Variants in KIF16B observed in about 807,000 individuals in gnomAD.
KIF16B encodes the protein kinesin-like protein KIF16B.
A neutral mutation model predicts 156.3 loss-of-function variants in KIF16B; 98 were observed. The ratio of observed to expected loss-of-function variants is 0.63; its 90% CI spans 0.53 to 0.74. The LOEUF (loss-of-function observed/expected upper bound fraction) is 0.74, where lower values mean the gene tolerates loss of function less well. KIF16B is among the 30% of genes least tolerant of loss of function. KIF16B has a pLI of 0.00. For synonymous variants in KIF16B, 564 were observed against 583.7 expected (o/e 0.97, Z 0.49); for missense variants, 1,421 against 1,606.5 (o/e 0.88, Z 1.97).
At chr20:16,392,694 G>C (rs2146177200) in intron 17 of KIF16B, among the ~76,000 whole-genome samples, 1 of 152,320 alleles carries the variant, frequency 6.6e-6, no homozygotes, top group South Asian at 2.1e-4. Flanking sequence ...CAGAGCACCA[G>C]CCTGTCTGCC....
At chr20:16,528,592 T>A (rs1600633802) in intron 1 of KIF16B, 152 bp from the exon 2 acceptor site, 7 of 621,730 alleles carry the variant, frequency 1.1e-5, no homozygotes, top group East Asian at 5.5e-5. Flanking sequence ...TCCTCCCAAA[T>A]CCTTACTAAT....
At chr20:16,273,942 C>A (rs964023802) in intron 25 of KIF16B, among the ~76,000 whole-genome samples, 39 of 152,226 alleles carry the variant, frequency 2.6e-4, no homozygotes, top group African/African-American at 9.1e-4. Flanking sequence ...CTACAGCAGA[C>A]AATGCCTAGG....
At position 16,366,644 on chromosome 20, in the gene KIF16B, C is replaced by T. The variant is rs73901614; in HGVS notation, c.3498+3942G>A. ...ATGGTGATGGGAGGACACTTTCAAT[C>T]CCCGGGTCCTCATAGGAAGCTTGAT... On this transcript the variant is annotated intron_variant, in intron 22 of 25. Coordinates refer to ENST00000354981, the MANE Select transcript of KIF16B (RefSeq NM_024704.5). Among the ~76,000 whole-genome samples, 527 of 152,308 alleles carry T rather than the reference C, an allele frequency of 3.5e-3. 3 individuals carry two copies. Among genetic ancestry groups the T allele is most frequent in the Middle Eastern group, 0.024 (7 of 294 alleles).
chr20:16,350,031 C>T (rs2064305891), intron 23 of KIF16B, among the ~76,000 whole-genome samples: 1 of 152,236 alleles, frequency 6.6e-6, no homozygotes, highest in African/African-American at 2.4e-5. Flanking sequence ...ATTCATTACT[C>T]ATGTTTTCTC....
chr20:16,431,939 C>T (rs1418647368), intron 12 of KIF16B, among the ~76,000 whole-genome samples: 1 of 151,014 alleles, frequency 6.6e-6, no homozygotes, highest in Non-Finnish European at 1.5e-5. Flanking sequence ...CACACACACA[C>T]GCACAAGTTT....
intron 1 of KIF16B, among the ~76,000 whole-genome samples, chr20:16,530,212 C>A (rs866243085): frequency 6.6e-6 from 1 of 152,156 alleles, no homozygotes; most frequent in Non-Finnish European, 1.5e-5. Context: ...AGGGCTGTGG[C>A]GGGCACCTTC....
At chr20:16,439,149 TCAGACTTCA>T (rs2066725692) in intron 12 of KIF16B, among the ~76,000 whole-genome samples, 1 of 152,042 alleles carries the variant, frequency 6.6e-6, no homozygotes, top group Admixed American at 6.5e-5. Context: ...TCTCTGTGCT[TCAGACTTCA>T]CAGAGCTCTA....
At chr20:16,502,481 T>C (rs1383662893) in intron 10 of KIF16B, among the ~76,000 whole-genome samples, 2 of 152,172 alleles carry the variant, frequency 1.3e-5, no homozygotes, top group African/African-American at 2.4e-5. Context: ...ATATTGTATA[T>C]CAAAAATTTT....
intron 24 of KIF16B, among the ~76,000 whole-genome samples, chr20:16,324,713 A>C (rs1456453504): frequency 6.6e-6 from 1 of 152,116 alleles, no homozygotes; most frequent in African/African-American, 2.4e-5. Flanking sequence ...GAATTCTATC[A>C]GACATTCAAA....
intron 15 of KIF16B, 37 bp downstream of exon 15, chr20:16,427,067 A>G (rs747487117): frequency 1.2e-5 from 18 of 1,534,030 alleles, no homozygotes; most frequent in Non-Finnish European, 1.6e-5. Context: ...TTCTCAAACA[A>G]TATATACAAA....
chr20:16,523,136 C>A (rs928417968), intron 3 of KIF16B, among the ~76,000 whole-genome samples: 1 of 152,156 alleles, frequency 6.6e-6, no homozygotes, highest in Non-Finnish European at 1.5e-5. Flanking sequence ...GACAAGGATG[C>A]CCTCTCTCAC....
intron 25 of KIF16B, among the ~76,000 whole-genome samples, chr20:16,288,040 C>T (rs1459166444): frequency 6.6e-6 from 1 of 152,202 alleles, no homozygotes; most frequent in Non-Finnish European, 1.5e-5. Flanking sequence ...TTTGAATCTA[C>T]ATAAATGTTT....
chr20:16,370,044 T>C (rs1259310649), intron 22 of KIF16B, among the ~76,000 whole-genome samples: 1 of 152,174 alleles, frequency 6.6e-6, no homozygotes. Flanking sequence ...AAAATTTCCA[T>C]CACCTACTAT....
At chr20:16,503,544 C>T (rs900171713) in intron 10 of KIF16B, among the ~76,000 whole-genome samples, 1 of 152,156 alleles carries the variant, frequency 6.6e-6, no homozygotes, top group Non-Finnish European at 1.5e-5. Context: ...ACTGCTCCAA[C>T]GGGACCACTC....
chr20:16,292,034 T>C (rs2063321832), intron 25 of KIF16B, among the ~76,000 whole-genome samples: 1 of 152,234 alleles, frequency 6.6e-6, no homozygotes, highest in African/African-American at 2.4e-5. Context: ...TTTTTCAACT[T>C]TGATTACCAA....
chr20:16,366,902 C>G lies in KIF16B; in HGVS notation c.3498+3684G>C, dbSNP rs1019177511. 1.1e-5 allele frequency: 13 copies of G among 1,210,144 alleles called. No homozygotes were observed. In the African/African-American group the frequency reaches 2.0e-4, roughly 19 times the overall value. The allele number at this position is 1,210,144 out of a possible 1,614,324, so 75.0% of individuals were successfully genotyped here. On this transcript the variant is annotated intron_variant, in intron 22 of 25. Coordinates refer to ENST00000354981, the MANE Select transcript of KIF16B (RefSeq NM_024704.5). ...ATGAAGCAGGCACAAATTTACAAGC[C>G]TGAGTTTCAAGAAAATGAAGCAAGG...
rs148993478 is a variant in KIF16B at position 16,338,178 on chromosome 20, C to T, written c.3622-2163G>A. The stretch of plus-strand genomic sequence containing the variant: ...TGCTGTAACTGAAACCCGGCTCTCC[C>T]GTGAGGAAGCACTTCCGTGGCAATG... On this transcript the variant is annotated intron_variant, in intron 23 of 25. Transcript: ENST00000354981. 2.1e-3 allele frequency among the ~76,000 whole-genome samples: 317 copies of T among 152,258 alleles called. 2 individuals carry two copies. Among genetic ancestry groups the T allele is most frequent in the African/African-American group, 7.1e-3 (296 of 41,556 alleles).
chr20:16,281,325 G>A (rs940140297), intron 25 of KIF16B, among the ~76,000 whole-genome samples: 1 of 152,170 alleles, frequency 6.6e-6, no homozygotes, highest in African/African-American at 2.4e-5. Context: ...ACAAGTATCA[G>A]TCTAGTAAGA....
At chr20:16,351,054 C>G (rs1342950235) in intron 23 of KIF16B, among the ~76,000 whole-genome samples, 1 of 151,892 alleles carries the variant, frequency 6.6e-6, no homozygotes, top group African/African-American at 2.4e-5. Flanking sequence ...CCCCTGGTGA[C>G]AGGATGGAGA....
Sources: gnomAD v4.1 joint callset for allele counts (sites outside exome capture counted in the v4.1 genomes callset) on GRCh38, gnomAD v4.1.1 for gene constraint, MANE v1.5 for transcripts, NCBI Gene and HGNC (gene_info 2026-07-23, HGNC 2026-07-21) for gene names.